PXDNL: variants seen among roughly 807,000 people sequenced by gnomAD.
PXDNL encodes the protein peroxidasin like.
PXDNL carries 145 observed loss-of-function variants against 150.8 expected under a neutral mutation model. That is an observed-to-expected ratio of 0.96 (90% CI 0.84 to 1.10). The LOEUF is 1.10. PXDNL is among the 50% of genes least tolerant of loss of function. The probability of loss-of-function intolerance (pLI) is 0.00; values close to 1 mark genes in which losing one functional copy is unlikely to be tolerated. For synonymous variants in PXDNL, 757 were observed against 725.7 expected (o/e 1.04, Z -0.69); for missense variants, 2,087 against 1,873.9 (o/e 1.11, Z -2.10).
intron 4 of PXDNL, among the ~76,000 whole-genome samples, chr8:51,554,352 T>C (rs1812558246): frequency 6.6e-6 from 1 of 152,200 alleles, no homozygotes. Context: ...CTGAAATGAA[T>C]TGGGTGTCAT....
At chr8:51,637,361 G>A (rs190285835) in intron 2 of PXDNL, among the ~76,000 whole-genome samples, 260 of 152,316 alleles carry the variant, frequency 1.7e-3, no homozygotes, top group Non-Finnish European at 3.0e-3. Flanking sequence ...GAATGACTTT[G>A]ACGAGTTGAA....
intron 8 of PXDNL, among the ~76,000 whole-genome samples, chr8:51,465,254 C>T (rs1279662186): frequency 6.6e-6 from 1 of 151,904 alleles, no homozygotes; most frequent in African/African-American, 2.4e-5. Flanking sequence ...TCAACATATG[C>T]AAATCAATAC....
chr8:51,647,801 CACTT>C (rs1241948888), intron 2 of PXDNL, among the ~76,000 whole-genome samples: 1 of 152,158 alleles, frequency 6.6e-6, no homozygotes, highest in Non-Finnish European at 1.5e-5. Context: ...AAATGAAAAA[CACTT>C]ACAATAGTGT....
At chr8:51,441,665 T>G (rs1354601060) in intron 12 of PXDNL, among the ~76,000 whole-genome samples, 1 of 148,242 alleles carries the variant, frequency 6.7e-6, no homozygotes, top group African/African-American at 2.4e-5. Flanking sequence ...GGTACACAGA[T>G]AGATCACTGT....
At chr8:51,673,721 CAAA>C (rs892096668) in intron 1 of PXDNL, among the ~76,000 whole-genome samples, 1 of 152,148 alleles carries the variant, frequency 6.6e-6, no homozygotes, top group African/African-American at 2.4e-5. Flanking sequence ...CTTAACTGCG[CAAA>C]CCAAGATTAG....
chr8:51,344,369 C>T (rs776749662), intron 20 of PXDNL, among the ~76,000 whole-genome samples: 18 of 152,118 alleles, frequency 1.2e-4, no homozygotes, highest in African/African-American at 4.3e-4. Context: ...ATGCTCCCAC[C>T]TCAGCTTCCT....
intron 1 of PXDNL, 68 bp from the exon 2 acceptor site, chr8:51,654,828 C>T: frequency 8.1e-7 from 1 of 1,230,554 alleles, no homozygotes; most frequent in East Asian, 2.3e-5. Context: ...TTTCCAGAAG[C>T]TTGAAGGCTA....
At chr8:51,696,834 CACACAG>C in intron 1 of PXDNL, among the ~76,000 whole-genome samples, 1 of 148,722 alleles carries the variant, frequency 6.7e-6, no homozygotes, top group Non-Finnish European at 1.5e-5. Flanking sequence ...CACACACACA[CACACAG>C]GTCCTGACAC....
chr8:51,685,016 A>T (rs1182985184), intron 1 of PXDNL, among the ~76,000 whole-genome samples: 14 of 152,200 alleles, frequency 9.2e-5, no homozygotes, highest in Non-Finnish European at 2.9e-5. Flanking sequence ...GCAAACTGGG[A>T]ACTAATAAAT....
At chr8:51,760,924 T>A in intron 1 of PXDNL, among the ~76,000 whole-genome samples, 1 of 132,594 alleles carries the variant, frequency 7.5e-6, no homozygotes, top group Non-Finnish European at 1.6e-5. Flanking sequence ...AGTGGCGCGA[T>A]CTCAGCTCAC....
At chr8:51,418,565 G>C (rs1178821820) in intron 14 of PXDNL, among the ~76,000 whole-genome samples, 1 of 152,170 alleles carries the variant, frequency 6.6e-6, no homozygotes. Flanking sequence ...TGTTTATACA[G>C]AGTTTTGGAA....
chr8:51,433,472 A>C (rs919268114), intron 12 of PXDNL, among the ~76,000 whole-genome samples: 1 of 152,016 alleles, frequency 6.6e-6, no homozygotes, highest in African/African-American at 2.4e-5. Context: ...TATTTTGTAC[A>C]GAGATTAAGT....
chr8:51,373,251 G>C (rs911307988), intron 18 of PXDNL, among the ~76,000 whole-genome samples: 1 of 152,190 alleles, frequency 6.6e-6, no homozygotes, highest in Non-Finnish European at 1.5e-5. Flanking sequence ...AAGACACAGG[G>C]AGAAGATGCC....
intron 14 of PXDNL, among the ~76,000 whole-genome samples, chr8:51,422,658 C>T (rs1306044819): frequency 6.6e-6 from 1 of 152,220 alleles, no homozygotes; most frequent in African/African-American, 2.4e-5. Flanking sequence ...TTTAAGGAAA[C>T]TGAAAGCTGA....
At position 51,530,740 on chromosome 8, in the gene PXDNL, C is replaced by T. The variant is rs529376190; in HGVS notation, c.380+26100G>A. Among the ~76,000 whole-genome samples the T allele has an allele frequency of 2.6e-5, 4 of 152,304 alleles. No homozygotes were observed. In the East Asian group the frequency reaches 7.7e-4, roughly 29 times the overall value. ...AGGCTCCTTCGCTCCCTCCAGGCCT[C>T]AGTCCTGCTGTGAGGGCTTCCCTAC... On this transcript the variant is annotated intron_variant, in intron 4 of 22. Transcript: ENST00000356297.
At chr8:51,531,535 G>A (rs1367202870) in intron 4 of PXDNL, among the ~76,000 whole-genome samples, 6 of 152,170 alleles carry the variant, frequency 3.9e-5, no homozygotes, top group Admixed American at 2.0e-4. Flanking sequence ...GGCTCAGGCC[G>A]GTCCCCAGGG....
intron 1 of PXDNL, among the ~76,000 whole-genome samples, chr8:51,733,757 A>T (rs1454169272): frequency 6.6e-6 from 1 of 150,428 alleles, no homozygotes; most frequent in Non-Finnish European, 1.5e-5. Flanking sequence ...ACGGTGAGCC[A>T]AGGTCATGCC....
intron 1 of PXDNL, among the ~76,000 whole-genome samples, chr8:51,755,076 G>C (rs1344742934): frequency 1.3e-5 from 2 of 152,062 alleles, no homozygotes; most frequent in African/African-American, 2.4e-5. Flanking sequence ...AGAACACAGG[G>C]AATGATGAAA....
chr8:51,478,460 T>A (rs1810529924), intron 6 of PXDNL, among the ~76,000 whole-genome samples: 1 of 152,230 alleles, frequency 6.6e-6, no homozygotes, highest in Non-Finnish European at 1.5e-5. Context: ...AACACCTCAC[T>A]TGTACTTACA....
Sources: allele counts gnomAD v4.1 joint callset (sites outside exome capture counted in the v4.1 genomes callset), GRCh38; gene constraint gnomAD v4.1.1; transcripts MANE v1.5; gene names NCBI Gene and HGNC (gene_info 2026-07-23, HGNC 2026-07-21).